The following CADM2 variants were observed in gnomAD, a reference collection of about 807,000 sequenced individuals.
CADM2 encodes immunoglobulin superfamily member 4D.
In CADM2, 12 loss-of-function variants were observed where a neutral mutation model predicts 49.8. The observed-to-expected ratio is 0.24, with a 90% CI of 0.15 to 0.39. CADM2 has a LOEUF of 0.39. Among genes scored for constraint, CADM2 ranks in the 10% least tolerant of loss-of-function variants. The pLI is 1.00. For missense variants in CADM2, 378 were observed against 492.3 expected (o/e 0.77, Z 2.20); for synonymous variants, 214 against 175.4 (o/e 1.22, Z -1.74).
chr3:85,697,476 C>T (rs1165875770), intron 1 of CADM2, among the ~76,000 whole-genome samples: 2 of 151,924 alleles, frequency 1.3e-5, no homozygotes, highest in Non-Finnish European at 2.9e-5. Flanking sequence ...AACAGTAAAA[C>T]AAATGACCTA....
At chr3:85,447,251 A>G (rs2037512839) in intron 1 of CADM2, among the ~76,000 whole-genome samples, 1 of 151,674 alleles carries the variant, frequency 6.6e-6, no homozygotes, top group Non-Finnish European at 1.5e-5. Context: ...GGTGACTTCC[A>G]GTGGATATAT....
chr3:85,072,547 T>C (rs2036793362), intron 1 of CADM2, among the ~76,000 whole-genome samples: 1 of 152,100 alleles, frequency 6.6e-6, no homozygotes, highest in Non-Finnish European at 1.5e-5. Context: ...AATGATTTAA[T>C]TCATTCATTT....
At chr3:85,899,157 G>A (rs960239986) in intron 5 of CADM2, among the ~76,000 whole-genome samples, 4 of 150,708 alleles carry the variant, frequency 2.7e-5, no homozygotes, top group Non-Finnish European at 5.9e-5. Flanking sequence ...GTAGAGACAG[G>A]GTTTCGTCAT....
intron 1 of CADM2, among the ~76,000 whole-genome samples, chr3:85,669,344 T>C (rs1035312483): frequency 6.6e-6 from 1 of 152,138 alleles, no homozygotes; most frequent in Non-Finnish European, 1.5e-5. Flanking sequence ...ATGTGAAAAA[T>C]GCTTGATGCA....
intron 1 of CADM2, among the ~76,000 whole-genome samples, chr3:85,250,030 T>C (rs1477499728): frequency 6.6e-6 from 1 of 151,896 alleles, no homozygotes; most frequent in East Asian, 1.9e-4. Context: ...TATTCATCAG[T>C]ATTTTGTTAA....
intron 1 of CADM2, among the ~76,000 whole-genome samples, chr3:85,211,662 A>G (rs2041782885): frequency 6.6e-6 from 1 of 152,098 alleles, no homozygotes; most frequent in Admixed American, 6.6e-5. Context: ...GATAATTTCA[A>G]TTTTTTAATA....
intron 1 of CADM2, among the ~76,000 whole-genome samples, chr3:85,454,098 T>C (rs1398705499): frequency 6.6e-6 from 1 of 152,142 alleles, no homozygotes; most frequent in Admixed American, 6.5e-5. Context: ...CTCACGCCCG[T>C]AATCCAAGCA....
At chr3:85,074,975 C>T (rs1284835138) in intron 1 of CADM2, among the ~76,000 whole-genome samples, 1 of 151,240 alleles carries the variant, frequency 6.6e-6, no homozygotes, top group African/African-American at 2.4e-5. Flanking sequence ...GAGCAAGATG[C>T]AATTTAGCAT....
chr3:85,820,039 T>G (rs149662537), intron 3 of CADM2, among the ~76,000 whole-genome samples: 25 of 152,036 alleles, frequency 1.6e-4, no homozygotes, highest in African/African-American at 5.5e-4. Context: ...GAGGTAGAAG[T>G]GTCATGTCTC....
intron 1 of CADM2, among the ~76,000 whole-genome samples, chr3:85,022,329 A>C (rs1267143324): frequency 6.6e-6 from 1 of 152,246 alleles, no homozygotes; most frequent in East Asian, 1.9e-4. Context: ...TGTGCTTGTA[A>C]CTTAAGGGTT....
intron 1 of CADM2, among the ~76,000 whole-genome samples, chr3:85,494,942 T>C (rs576903429): frequency 3.7e-4 from 57 of 152,244 alleles, no homozygotes; most frequent in African/African-American, 1.3e-3. Flanking sequence ...TTAGACATGA[T>C]TTATGTTATT....
intron 1 of CADM2, among the ~76,000 whole-genome samples, chr3:85,468,050 A>T (rs982281548): frequency 1.9e-4 from 26 of 140,312 alleles, no homozygotes; most frequent in African/African-American, 6.5e-4. Context: ...GCTACTTGGG[A>T]GGCTGAGGCA....
chr3:85,996,290 C>CTTTTTTTTTTTTTTT (rs397990432), intron 8 of CADM2, among the ~76,000 whole-genome samples: 7 of 89,310 alleles, frequency 7.8e-5, no homozygotes, highest in African/African-American at 1.3e-4. Flanking sequence ...TTTTCATTTA[C>CTTTTTTTTTTTTTTT]TTTTTTTTTT....
rs55882841 is a variant in CADM2 at position 85,442,588 on chromosome 3, GTATATATATATATA to G, written c.62-283902_62-283889del. Among the ~76,000 whole-genome samples the G allele has an allele frequency of 3.8e-3, 464 of 120,920 alleles. 3 individuals carry two copies. The highest frequency in any genetic ancestry group is 0.014 in the African/African-American group (302 of 22,186). 79.3% of individuals were successfully genotyped at this position (120,920 alleles called of 152,430 possible). ...TATTTAAAATAATGCTTATATATGA[GTATATATATATATA>G]TATATATATATATATATATATATAT... On this transcript the variant is annotated intron_variant, in intron 1 of 9. Coordinates refer to ENST00000383699, the MANE Select transcript of CADM2 (RefSeq NM_001167675.2).
intron 1 of CADM2, among the ~76,000 whole-genome samples, chr3:85,138,177 G>GCA (rs2039473616): frequency 6.8e-6 from 1 of 146,348 alleles, no homozygotes; most frequent in African/African-American, 2.5e-5. Flanking sequence ...TTCCTTTGTT[G>GCA]CATTCTTTCC....
intron 1 of CADM2, among the ~76,000 whole-genome samples, chr3:85,588,877 G>A (rs999121570): frequency 3.9e-5 from 6 of 152,044 alleles, no homozygotes; most frequent in Admixed American, 3.9e-4. Context: ...AGCAAGGTGG[G>A]ATTTTGAGTC....
At chr3:85,944,962 C>T (rs1263747766) in intron 7 of CADM2, among the ~76,000 whole-genome samples, 3 of 151,846 alleles carry the variant, frequency 2.0e-5, no homozygotes, top group African/African-American at 7.3e-5. Flanking sequence ...ACACAAAAAA[C>T]CCTTCAAAAA....
In CADM2 at chr3:85,070,884, G is replaced by A. The variant is rs188925555; in HGVS notation, c.61+111216G>A. On this transcript the variant is annotated intron_variant, in intron 1 of 9. Transcript: ENST00000383699. ...CACACTTGTAGTCTCAGCTACTGGG[G>A]AGGCTGAGGCAGGAGAATGGCGTGA... Among the ~76,000 whole-genome samples, 160 of 152,076 alleles carry A rather than the reference G, an allele frequency of 1.1e-3. 1 individual carries two copies. Among genetic ancestry groups the A allele is most frequent in the Admixed American group, 0.01 (160 of 15,252 alleles).
chr3:85,783,243 C>T (rs116328453), intron 2 of CADM2, among the ~76,000 whole-genome samples: 1 of 152,060 alleles, frequency 6.6e-6, no homozygotes, highest in South Asian at 2.1e-4. Flanking sequence ...GTAAGAACAG[C>T]AGAGTTTATA....
Sources: gnomAD v4.1 joint callset for allele counts (sites outside exome capture counted in the v4.1 genomes callset) on GRCh38, gnomAD v4.1.1 for gene constraint, MANE v1.5 for transcripts, NCBI Gene and HGNC (gene_info 2026-07-23, HGNC 2026-07-21) for gene names.